RRBP1: variants seen among roughly 807,000 people sequenced by gnomAD.
The protein encoded by RRBP1 is ribosome binding protein 1, also known as ribosome-binding protein 1.
Under a neutral mutation model 165.2 loss-of-function variants are expected in RRBP1, and 94 were observed. The ratio of observed to expected loss-of-function variants is 0.57; its 90% CI spans 0.48 to 0.68. The LOEUF (loss-of-function observed/expected upper bound fraction) is 0.68, where lower values mean the gene tolerates loss of function less well. Among genes scored for constraint, RRBP1 ranks in the 30% least tolerant of loss-of-function variants. RRBP1 has a pLI of 0.00. For synonymous variants in RRBP1, 680 were observed against 714.5 expected (o/e 0.95, Z 0.77); for missense variants, 1,676 against 1,763.0 (o/e 0.95, Z 0.88).
chr20:17,666,372 T>G (rs2036867339), intron 2 of RRBP1, among the ~76,000 whole-genome samples: 1 of 152,084 alleles, frequency 6.6e-6, no homozygotes, highest in Non-Finnish European at 1.5e-5. Context: ...CTTCCATACT[T>G]CTATAAGATT....
intron 20 of RRBP1, among the ~76,000 whole-genome samples, chr20:17,618,057 GCT>G (rs2035835324): frequency 1.8e-5 from 2 of 113,110 alleles, no homozygotes; most frequent in African/African-American, 5.5e-5. Flanking sequence ...TGCCAAGGGG[GCT>G]GCTCTCTGCA....
At chr20:17,678,492 G>T (rs1225976818) in intron 2 of RRBP1, among the ~76,000 whole-genome samples, 1 of 152,232 alleles carries the variant, frequency 6.6e-6, no homozygotes, top group East Asian at 1.9e-4. Flanking sequence ...CTTATCAGGT[G>T]AAGTGTATCA....
In RRBP1 at chr20:17,629,844, C is replaced by T. The variant is rs200077559; in HGVS notation, c.2728G>A (p.Glu910Lys). 1.6e-5 allele frequency: 25 copies of T among 1,599,184 alleles called. No individual in the cohort carries two copies. The East Asian group carries it at 2.9e-4, about 19-fold the overall frequency. Residue 910 changes from glutamate (E) to lysine (K), a missense_variant, in exon 9 of 25, where the codon GAG (glutamate) becomes AAG (lysine). This residue lies in a region of RRBP1 where 1,184 missense variants were observed against 1,167.1 expected (regional missense o/e 1.01). Transcript: ENST00000377813. The stretch of plus-strand genomic sequence containing the variant: ...TTACCGGCCATCTGCTGCTGTTGCT[C>T]CTGGGCCTTCTCGGCATCCGCCCGG... ...SLRADAEKAQEQQQQMAELHS... is the reference protein window; with the variant it reads ...SLRADAEKAQKQQQQMAELHS...
At chr20:17,637,167 T>TG (rs2036263511) in intron 5 of RRBP1, among the ~76,000 whole-genome samples, 3 of 114,114 alleles carry the variant, frequency 2.6e-5, no homozygotes, top group African/African-American at 1.0e-4. Context: ...ATGGCTAGGG[T>TG]GGGGGTGGGG....
intron 2 of RRBP1, among the ~76,000 whole-genome samples, chr20:17,669,860 T>A (rs537348363): frequency 2.3e-4 from 35 of 152,342 alleles, no homozygotes; most frequent in African/African-American, 8.4e-4. Context: ...AAAAAAATTC[T>A]ACATATATAA....
chr20:17,619,261 GCTT>G, intron 19 of RRBP1: 1 of 203,878 alleles, frequency 4.9e-6, no homozygotes. Flanking sequence ...CTGGGCTTGT[GCTT>G]CTGCTTCTGA....
In RRBP1 at chr20:17,627,611, C is replaced by T. The variant is rs747675126; in HGVS notation, c.2821G>A (p.Gly941Arg). ...TCCGCCCTGGCCTCCTGGAGCTGCC[C>T]GTGGAGGCCACTCAGCTCCTCGCAT... ...SKCEELSGLHGQLQEARAENS... is the reference protein window; with the variant it reads ...SKCEELSGLHRQLQEARAENS... Residue 941 changes from glycine (G) to arginine (R), a missense_variant, in exon 10 of 25, where the codon GGG becomes AGG. Physicochemically the swap from Gly to Arg is moderately radical, Grantham distance 125 (BLOSUM62 -2). Around this residue, in one of 5 missense-constraint regions of RRBP1, gnomAD observed 1,184 missense variants for 1,167.1 expected, o/e 1.01. Coordinates refer to ENST00000377813, the MANE Select transcript of RRBP1 (RefSeq NM_001365613.2). 53 of 1,613,336 alleles carry T rather than the reference C, an allele frequency of 3.3e-5. No homozygotes were observed. Among genetic ancestry groups the T allele is most frequent in the East Asian group, 1.1e-4 (5 of 44,886 alleles).
intron 8 of RRBP1, among the ~76,000 whole-genome samples, chr20:17,631,284 G>A (rs994660795): frequency 5.9e-5 from 9 of 152,336 alleles, no homozygotes; most frequent in Middle Eastern, 6.8e-3. Flanking sequence ...GTCATTACAC[G>A]ACTGGAAGAA....
intron 3 of RRBP1, among the ~76,000 whole-genome samples, chr20:17,645,566 A>G (rs1789531011): frequency 6.6e-6 from 1 of 152,192 alleles, no homozygotes; most frequent in African/African-American, 2.4e-5. Flanking sequence ...TTTTAGGTAA[A>G]AACTCTGCTG....
chr20:17,622,896 A>T (rs1431417064), intron 13 of RRBP1: 3 of 152,160 alleles, frequency 2.0e-5, no homozygotes, highest in African/African-American at 7.2e-5. Flanking sequence ...GAGTCCTGGA[A>T]TGTGCATGAA....
chr20:17,649,829 G>C lies in RRBP1; in HGVS notation c.1913-6702C>G, dbSNP rs939892565. 1.2e-4 allele frequency among the ~76,000 whole-genome samples: 18 copies of C among 152,106 alleles called. No homozygotes were observed. The East Asian group carries it at 2.9e-3, about 24-fold the overall frequency. On this transcript the variant is annotated intron_variant, in intron 3 of 24. Transcript: ENST00000377813. ...GCTCAGCGAGACTGCACACGACACA[G>C]AGCTCACAGGCCCCCTCCCACCACG...
At chr20:17,623,660 G>A (rs1353273397) in intron 13 of RRBP1, among the ~76,000 whole-genome samples, 1 of 152,214 alleles carries the variant, frequency 6.6e-6, no homozygotes, top group Non-Finnish European at 1.5e-5. Context: ...GACTGGGCGT[G>A]GTGGTTCACC....
chr20:17,662,308 G>A (rs774552529), intron 2 of RRBP1, among the ~76,000 whole-genome samples: 2 of 151,984 alleles, frequency 1.3e-5, no homozygotes, highest in South Asian at 2.1e-4. Flanking sequence ...CATCACAGAA[G>A]GAACACATTA....
At chr20:17,657,126 GC>G (rs1248830631) in intron 3 of RRBP1, among the ~76,000 whole-genome samples, 1 of 152,250 alleles carries the variant, frequency 6.6e-6, no homozygotes. Flanking sequence ...CTGATTCTCA[GC>G]TCCATCCCCA....
At chr20:17,629,177 AC>A (rs1449968582) in intron 9 of RRBP1, among the ~76,000 whole-genome samples, 1 of 152,082 alleles carries the variant, frequency 6.6e-6, no homozygotes, top group Non-Finnish European at 1.5e-5. Context: ...CTGTCGTGTA[AC>A]CCCCAGTCCA....
chr20:17,618,961 AT>A (rs202007183), intron 19 of RRBP1: 767 of 383,152 alleles, frequency 2.0e-3, no homozygotes, highest in South Asian at 2.7e-3. Context: ...GTTGGAGATG[AT>A]TTTTTTTTTC....
At position 17,614,236 on chromosome 20, in the gene RRBP1, G is replaced by C; in HGVS notation, c.4195-16C>G. On this transcript the variant is annotated splice_polypyrimidine_tract_variant and intron_variant, in intron 24 of 24. Coordinates refer to ENST00000377813, the MANE Select transcript of RRBP1 (RefSeq NM_001365613.2). ...TGCCGTCCTCCTGTGAACGAAGGCA[G>C]GTGGCGTGAGGGGGGCTGGGCCACG... 4 of 1,612,330 alleles carry C rather than the reference G, an allele frequency of 2.5e-6. No homozygotes were observed. The highest frequency in any genetic ancestry group is 8.5e-7 in the Non-Finnish European group (1 of 1,179,862).
chr20:17,630,683 C>G (rs983389182), intron 8 of RRBP1, among the ~76,000 whole-genome samples: 2 of 152,212 alleles, frequency 1.3e-5, no homozygotes, highest in South Asian at 2.1e-4. Flanking sequence ...TTCCCACACA[C>G]TGGGGCAGAA....
Position 17,643,080 on chromosome 20 carries a change from C to T in RRBP1, c.1960G>A (p.Val654Ile). The change falls in exon 4 of 25, where the codon GTC (valine) becomes ATC (isoleucine). Residue 654 changes from valine (V) to isoleucine (I), a missense_variant. By Grantham distance (29) the Val-to-Ile change is conservative. Coordinates refer to ENST00000377813, the MANE Select transcript of RRBP1 (RefSeq NM_001365613.2). The surrounding 1 kb of genome is among the most constrained non-coding windows in gnomAD (Gnocchi z 4.3). Reference sequence around the variant, plus strand: ...AACACCATGCTCCCAACCGTGGAGACCAGCGTCTTGTAGGGGAGGTAGAGA... The same window carrying T: ...AACACCATGCTCCCAACCGTGGAGATCAGCGTCTTGTAGGGGAGGTAGAGA... ...GPLYLPYKTL[V>I]STVGSMVFNE... 1 of 1,614,108 alleles carries T rather than the reference C, an allele frequency of 6.2e-7. No homozygotes were observed. The highest frequency in any genetic ancestry group is 8.5e-7 in the Non-Finnish European group (1 of 1,180,022).
Sources: allele counts gnomAD v4.1 joint callset (sites outside exome capture counted in the v4.1 genomes callset), GRCh38; gene constraint gnomAD v4.1.1; regional missense constraint gnomAD v4.1.1; non-coding constraint Gnocchi (gnomAD v3.1); transcripts MANE v1.5; gene names NCBI Gene and HGNC (gene_info 2026-07-23, HGNC 2026-07-21).